The following AGBL1 variants were observed in gnomAD, a reference collection of about 807,000 sequenced individuals.
AGBL1 encodes AGBL carboxypeptidase 1, also known as cytosolic carboxypeptidase 4.
AGBL1 carries 130 observed loss-of-function variants against 118.9 expected under a neutral mutation model. The ratio of observed to expected loss-of-function variants is 1.09; its 90% CI spans 0.95 to 1.26. The LOEUF is 1.26. Among genes scored for constraint, AGBL1 ranks in the 50% most tolerant of loss-of-function variants. The probability of loss-of-function intolerance (pLI) is 0.00; values close to 1 mark genes in which losing one functional copy is unlikely to be tolerated. For missense variants in AGBL1, 1,584 were observed against 1,298.1 expected, an observed-to-expected ratio of 1.22 and a Z score of -3.38; for synonymous variants, 555 against 478.9, an observed-to-expected ratio of 1.16 and a Z score of -2.08.
chr15:86,812,035 C>T (rs2078797412), intron 22 of AGBL1, among the ~76,000 whole-genome samples: 3 of 152,178 alleles, frequency 2.0e-5, no homozygotes, highest in Admixed American at 2.0e-4. Flanking sequence ...CTTTAAAATA[C>T]TGTCAGATTA....
At chr15:86,436,632 A>G (rs555593312) in intron 18 of AGBL1, among the ~76,000 whole-genome samples, 1 of 152,334 alleles carries the variant, frequency 6.6e-6, no homozygotes, top group Non-Finnish European at 1.5e-5. Flanking sequence ...CTTTGCTGCC[A>G]TAACAATTAC....
intron 22 of AGBL1, among the ~76,000 whole-genome samples, chr15:86,713,182 A>T (rs909911341): frequency 6.6e-6 from 1 of 152,108 alleles, no homozygotes; most frequent in African/African-American, 2.4e-5. Context: ...AGAGAAAGGG[A>T]GGCTAAGTAT....
At chr15:86,771,837 C>G (rs2078186706) in intron 22 of AGBL1, among the ~76,000 whole-genome samples, 1 of 151,976 alleles carries the variant, frequency 6.6e-6, no homozygotes, top group Admixed American at 6.6e-5. Context: ...TTTTATTTCC[C>G]AGTTAGAGAG....
chr15:86,708,767 T>G (rs1337850738), intron 22 of AGBL1, among the ~76,000 whole-genome samples: 9 of 146,850 alleles, frequency 6.1e-5, no homozygotes, highest in Non-Finnish European at 1.1e-4. Context: ...TGTGTTTCCT[T>G]CATGCTACTG....
intron 22 of AGBL1, among the ~76,000 whole-genome samples, chr15:86,808,560 T>G (rs976677760): frequency 1.3e-5 from 2 of 151,754 alleles, no homozygotes; most frequent in Admixed American, 6.6e-5. Context: ...TCTTTATCTT[T>G]CCTTCCTCCC....
intron 16 of AGBL1, among the ~76,000 whole-genome samples, chr15:86,288,582 A>G (rs2079492356): frequency 6.6e-6 from 1 of 152,022 alleles, no homozygotes; most frequent in Non-Finnish European, 1.5e-5. Flanking sequence ...TGTGATTTGT[A>G]TAATTTCTGC....
At chr15:86,577,678 G>A (rs946134420) in intron 21 of AGBL1, among the ~76,000 whole-genome samples, 4 of 152,216 alleles carry the variant, frequency 2.6e-5, no homozygotes, top group African/African-American at 4.8e-5. Context: ...TCCCCGTGCT[G>A]TGTGTAGCTA....
chr15:86,874,453 C>T (rs958224238), intron 22 of AGBL1, among the ~76,000 whole-genome samples: 4 of 151,662 alleles, frequency 2.6e-5, no homozygotes, highest in Non-Finnish European at 5.9e-5. Context: ...AAATTATGTT[C>T]GTTTCTCCCC....
At chr15:86,185,011 C>T (rs1039454995) in intron 5 of AGBL1, among the ~76,000 whole-genome samples, 2 of 152,122 alleles carry the variant, frequency 1.3e-5, no homozygotes, top group African/African-American at 4.8e-5. Flanking sequence ...GCAGTCTACT[C>T]ATCTGAAAGG....
In AGBL1 at chr15:86,553,395, T is replaced by C. The variant is rs375503064; in HGVS notation, c.2818-966T>C. Among the ~76,000 whole-genome samples the C allele has an allele frequency of 9.9e-5, 15 of 152,222 alleles. No homozygotes were observed. The East Asian group carries it at 1.6e-3, about 16-fold the overall frequency. Reference sequence around the variant, plus strand: ...CTAGAGATGCCTTCTAAATGGAGATTAAGTAGTCATAAATAAAATATTTTT... The same window carrying C: ...CTAGAGATGCCTTCTAAATGGAGATCAAGTAGTCATAAATAAAATATTTTT... On this transcript the variant is annotated intron_variant, in intron 20 of 22. Transcript: ENST00000614907.
At chr15:86,946,268 A>G (rs2080819846) in intron 23 of AGBL1, 1 of 152,256 alleles carries the variant, frequency 6.6e-6, no homozygotes, top group Non-Finnish European at 1.5e-5. Flanking sequence ...TGCTGAGCAG[A>G]CTGGATCTTG....
chr15:86,595,244 A>T (rs540720218), intron 21 of AGBL1, among the ~76,000 whole-genome samples: 1 of 152,168 alleles, frequency 6.6e-6, no homozygotes, highest in African/African-American at 2.4e-5. Context: ...TTCCAAATTT[A>T]TATCTCCAGC....
chr15:86,647,551 A>G lies in AGBL1; in HGVS notation c.2995-26722A>G, dbSNP rs150852170. On this transcript the variant is annotated intron_variant, in intron 21 of 22. Coordinates refer to ENST00000614907, the MANE Select transcript of AGBL1 (RefSeq NM_001386094.1). ...CCCCGTCTCTACTAAAAATACAAAAATTAGCCAAATGTGGTGGTGCATACC... is the reference window on the plus strand; with the variant it reads ...CCCCGTCTCTACTAAAAATACAAAAGTTAGCCAAATGTGGTGGTGCATACC... Among the ~76,000 whole-genome samples the G allele has an allele frequency of 4.1e-4, 63 of 152,220 alleles. No homozygotes were observed. The East Asian group carries it at 0.011, about 27-fold the overall frequency.
chr15:86,738,082 C>T (rs1285785947), intron 22 of AGBL1, among the ~76,000 whole-genome samples: 1 of 151,896 alleles, frequency 6.6e-6, no homozygotes, highest in Non-Finnish European at 1.5e-5. Context: ...AAAATCCTTT[C>T]TGTGTCTATT....
intron 22 of AGBL1, among the ~76,000 whole-genome samples, chr15:86,780,049 C>A (rs1305765738): frequency 1.3e-5 from 2 of 152,134 alleles, no homozygotes; most frequent in Non-Finnish European, 1.5e-5. Context: ...TTTAAGAAAT[C>A]TTTGCCTACT....
At chr15:86,811,298 A>T (rs1297343785) in intron 22 of AGBL1, among the ~76,000 whole-genome samples, 1 of 152,168 alleles carries the variant, frequency 6.6e-6, no homozygotes, top group Admixed American at 6.5e-5. Context: ...GGTAAAATAA[A>T]AGGATAGAAC....
chr15:86,407,715 A>G (rs2081550188), intron 18 of AGBL1, among the ~76,000 whole-genome samples: 1 of 152,186 alleles, frequency 6.6e-6, no homozygotes, highest in Non-Finnish European at 1.5e-5. Flanking sequence ...TGAAAGAATT[A>G]CTGAAGCCAT....
At chr15:86,632,054 A>G (rs891537823) in intron 21 of AGBL1, among the ~76,000 whole-genome samples, 1 of 150,484 alleles carries the variant, frequency 6.6e-6, no homozygotes, top group Admixed American at 6.6e-5. Context: ...AAAGTTAACC[A>G]GGAGTTTGAG....
intron 21 of AGBL1, among the ~76,000 whole-genome samples, chr15:86,611,103 T>C (rs1335622384): frequency 6.6e-6 from 1 of 152,218 alleles, no homozygotes; most frequent in Non-Finnish European, 1.5e-5. Context: ...GACTTGTATC[T>C]TGTATCTGCT....
Sources: gnomAD v4.1 joint callset for allele counts (sites outside exome capture counted in the v4.1 genomes callset) on GRCh38, gnomAD v4.1.1 for gene constraint, MANE v1.5 for transcripts, NCBI Gene and HGNC (gene_info 2026-07-23, HGNC 2026-07-21) for gene names.